The following NSG1 variants were observed in gnomAD, a reference collection of about 807,000 sequenced individuals.
NSG1 encodes neuronal vesicle trafficking associated 1.
Under a neutral mutation model 19.3 loss-of-function variants are expected in NSG1, and 9 were observed. The observed-to-expected ratio is 0.47, with a 90% CI of 0.28 to 0.81. NSG1 has a LOEUF of 0.81. Among genes scored for constraint, NSG1 ranks in the 40% least tolerant of loss-of-function variants. NSG1 has a pLI of 0.11. For synonymous variants in NSG1, 104 were observed against 107.0 expected (o/e 0.97, Z 0.17); for missense variants, 236 against 242.4 (o/e 0.97, Z 0.18).
intron 2 of NSG1, among the ~76,000 whole-genome samples, chr4:4,389,397 G>A (rs535773698): frequency 3.9e-5 from 6 of 152,284 alleles, no homozygotes; most frequent in Admixed American, 2.0e-4. Context: ...CTTCCATCCC[G>A]GACTTCCCGC....
At chr4:4,397,644 C>G (rs372603602) in intron 3 of NSG1, among the ~76,000 whole-genome samples, 6 of 152,228 alleles carry the variant, frequency 3.9e-5, no homozygotes, top group African/African-American at 1.2e-4. Flanking sequence ...CATGTAACTC[C>G]TGGCCCAGGT....
intron 4 of NSG1, among the ~76,000 whole-genome samples, chr4:4,413,683 G>T (rs1372697327): frequency 6.6e-6 from 1 of 151,750 alleles, no homozygotes; most frequent in Non-Finnish European, 1.5e-5. Context: ...GCCAGAGCGG[G>T]TGCATCCTGA....
chr4:4,415,713 A>G, intron 4 of NSG1: 1 of 139,400 alleles, frequency 7.2e-6, no homozygotes, highest in Admixed American at 7.1e-5. Context: ...GCCAGCCCTG[A>G]GCGGGGCCGC....
At chr4:4,394,260 C>G (rs114432967) in intron 3 of NSG1, among the ~76,000 whole-genome samples, 2,777 of 152,182 alleles carry the variant, frequency 0.018, 39 homozygotes, top group South Asian at 0.036. Context: ...TTTGTTGATT[C>G]AAAACCCTTG....
chr4:4,411,769 A>AC (rs1447830252), intron 4 of NSG1, among the ~76,000 whole-genome samples: 4,891 of 136,506 alleles, frequency 0.036, 307 homozygotes, highest in African/African-American at 0.16. Flanking sequence ...AAAACAAAAC[A>AC]AAACAAAACA....
chr4:4,408,284 T>C (rs1723975878), intron 3 of NSG1, among the ~76,000 whole-genome samples: 1 of 152,088 alleles, frequency 6.6e-6, no homozygotes, highest in Admixed American at 6.5e-5. Context: ...GCCCCTCGCA[T>C]CCTCCAGGCT....
At chr4:4,403,999 T>G (rs1723711919) in intron 3 of NSG1, among the ~76,000 whole-genome samples, 1 of 152,202 alleles carries the variant, frequency 6.6e-6, no homozygotes, top group African/African-American at 2.4e-5. Flanking sequence ...AGTTTTAAAC[T>G]TGCTATGCCG....
intron 2 of NSG1, among the ~76,000 whole-genome samples, chr4:4,391,205 A>G (rs528301174): frequency 1.7e-4 from 26 of 152,334 alleles, no homozygotes; most frequent in Non-Finnish European, 3.1e-4. Flanking sequence ...CCTGCCGCCT[A>G]TAAACCGCAT....
chr4:4,391,432 G>T, intron 2 of NSG1, 43 bp from the exon 3 acceptor site: 1 of 1,374,714 alleles, frequency 7.3e-7, no homozygotes, highest in Non-Finnish European at 1.0e-6. Flanking sequence ...GGGCAGATAT[G>T]TCTGAATGCA....
intron 3 of NSG1, among the ~76,000 whole-genome samples, chr4:4,402,722 G>T (rs4689463): frequency 0.62 from 93,558 of 152,036 alleles, 32,126 homozygotes; most frequent in East Asian, 0.85. Flanking sequence ...AACTTGAACA[G>T]GTTCATGGGT....
At chr4:4,387,353 C>G (rs913760364) in intron 1 of NSG1, among the ~76,000 whole-genome samples, 180 bp downstream of exon 1, 2 of 152,148 alleles carry the variant, frequency 1.3e-5, no homozygotes, top group Non-Finnish European at 2.9e-5. Context: ...GGGGCGGCGC[C>G]CCCTTCCCTG....
At chr4:4,395,538 G>A (rs914679277) in intron 3 of NSG1, among the ~76,000 whole-genome samples, 2 of 152,168 alleles carry the variant, frequency 1.3e-5, no homozygotes, top group Admixed American at 6.5e-5. Flanking sequence ...AGGGCTGGGC[G>A]GGTCTCTCTT....
rs1331825370 is a variant in NSG1 at position 4,418,919 on chromosome 4, T to G, written c.*1484T>G. ...GCCAAAGCTTCCCTGCGCATCTGAA[T>G]AGACACAAGTGAAGCCCGTGTGCGC... On this transcript the variant is annotated 3_prime_UTR_variant, in exon 5 of 5. Coordinates refer to ENST00000621129, the MANE Select transcript of NSG1 (RefSeq NM_014392.5). The G allele has an allele frequency of 2.0e-5, 3 of 152,234 alleles. No homozygotes were observed. The highest frequency in any genetic ancestry group is 7.2e-5 in the African/African-American group (3 of 41,468). 9.4% of individuals were successfully genotyped at this position (152,234 alleles called of 1,614,324 possible). A position where few individuals can be genotyped will look rare whatever the true frequency, so the allele number is the denominator to read the frequency against.
At chr4:4,409,357 T>A (rs530082567) in intron 3 of NSG1, among the ~76,000 whole-genome samples, 1 of 152,378 alleles carries the variant, frequency 6.6e-6, no homozygotes, top group South Asian at 2.1e-4. Context: ...TTAAAATGAA[T>A]GTCACTTATG....
intron 3 of NSG1, among the ~76,000 whole-genome samples, chr4:4,393,457 A>T (rs534697271): frequency 2.6e-5 from 4 of 152,180 alleles, no homozygotes; most frequent in Non-Finnish European, 5.9e-5. Flanking sequence ...GTTGCCCAGA[A>T]CCTGAAGGCT....
chr4:4,407,076 G>A (rs1438578836), intron 3 of NSG1, among the ~76,000 whole-genome samples: 2 of 152,256 alleles, frequency 1.3e-5, no homozygotes, highest in African/African-American at 4.8e-5. Context: ...GCCCTGGGGA[G>A]CAGCCTGGCT....
chr4:4,393,623 G>A (rs1176054592), intron 3 of NSG1, among the ~76,000 whole-genome samples: 1 of 152,202 alleles, frequency 6.6e-6, no homozygotes, highest in Non-Finnish European at 1.5e-5. Flanking sequence ...AAGTCTGCTG[G>A]GTGTGTTCCT....
At chr4:4,406,678 C>A (rs918862288) in intron 3 of NSG1, among the ~76,000 whole-genome samples, 5 of 152,202 alleles carry the variant, frequency 3.3e-5, no homozygotes, top group African/African-American at 7.2e-5. Flanking sequence ...TGCTCCCCCC[C>A]AACCCAGGTG....
At chr4:4,390,242 C>T (rs2108721898) in intron 2 of NSG1, among the ~76,000 whole-genome samples, 1 of 152,302 alleles carries the variant, frequency 6.6e-6, no homozygotes, top group South Asian at 2.1e-4. Context: ...GGGTGGGTGC[C>T]CAGGCCAACC....
Sources: gnomAD v4.1 joint callset for allele counts (sites outside exome capture counted in the v4.1 genomes callset) on GRCh38, gnomAD v4.1.1 for gene constraint, MANE v1.5 for transcripts, NCBI Gene and HGNC (gene_info 2026-07-23, HGNC 2026-07-21) for gene names.